MYO9B: variants seen among roughly 807,000 people sequenced by gnomAD.
The protein encoded by MYO9B is unconventional myosin-IXb.
MYO9B carries 71 observed loss-of-function variants against 229.5 expected under a neutral mutation model. The observed-to-expected ratio is 0.31, with a 90% CI of 0.26 to 0.38. The LOEUF is 0.38. Among genes scored for constraint, MYO9B ranks in the 10% least tolerant of loss-of-function variants. The pLI, the probability that MYO9B is intolerant of heterozygous loss-of-function variation, is 1.00. For missense variants in MYO9B, 2,255 were observed against 2,920.5 expected, an observed-to-expected ratio of 0.77 and a Z score of 5.25; for synonymous variants, 1,185 against 1,235.8, an observed-to-expected ratio of 0.96 and a Z score of 0.86.
intron 2 of MYO9B, among the ~76,000 whole-genome samples, chr19:17,111,458 A>G (rs982764927): frequency 9.2e-5 from 14 of 152,240 alleles, no homozygotes; most frequent in Non-Finnish European, 2.9e-5. Context: ...AAATGTATAA[A>G]TTATATCTGC....
rs1182917762 is a variant in MYO9B, at chr19:17,188,428, C to CAAA, written c.2688+403_2688+405dup. 5.5e-3 allele frequency among the ~76,000 whole-genome samples: 504 copies of CAAA among 92,092 alleles called. 3 individuals are homozygous for CAAA. Among genetic ancestry groups the CAAA allele is most frequent in the African/African-American group, 0.017 (417 of 24,066 alleles). The allele number at this position is 92,092 out of a possible 152,430, so 60.4% of individuals were successfully genotyped here. ...TGGGCAACAGAGCAAGACTCCATCT[C>CAAA]AAAAAAAAAAAAAAAAAAAAAAGAA... On this transcript the variant is annotated intron_variant, in intron 19 of 39. Transcript: ENST00000682292.
chr19:17,154,463 C>A, intron 6 of MYO9B, 48 bp downstream of exon 6: 1 of 1,419,714 alleles, frequency 7.0e-7, no homozygotes, highest in South Asian at 1.2e-5. Context: ...CTACAGGGGG[C>A]ACGCATGGCC....
rs2305766 is a variant in MYO9B at position 17,200,633 on chromosome 19, C to A, written c.4373-6C>A. The A allele has an allele frequency of 2.1e-5, 33 of 1,607,746 alleles. No individual in the cohort carries two copies. In the East Asian group the frequency reaches 2.2e-4, roughly 11 times the overall value. ...CCCTCACCGGCTGCTTCCTGTCCCC[C>A]CTCAGCCCCCTCCGGACAGCAGCAT... On this transcript the variant is annotated splice_region_variant and splice_polypyrimidine_tract_variant and intron_variant, in intron 25 of 39. Transcript: ENST00000682292.
intron 1 of MYO9B, among the ~76,000 whole-genome samples, chr19:17,078,879 G>A (rs2057510141): frequency 6.6e-6 from 1 of 152,230 alleles, no homozygotes; most frequent in South Asian, 2.1e-4. Flanking sequence ...GGCAGGTGAT[G>A]ACTTCAGAGA....
chr19:17,108,574 C>T (rs1234978311), intron 2 of MYO9B, among the ~76,000 whole-genome samples: 1 of 150,830 alleles, frequency 6.6e-6, no homozygotes, highest in African/African-American at 2.4e-5. Flanking sequence ...TCCCGTTGTC[C>T]CCTGGGGACA....
chr19:17,087,328 A>G (rs923377418), intron 1 of MYO9B, among the ~76,000 whole-genome samples: 1 of 152,198 alleles, frequency 6.6e-6, no homozygotes, highest in Non-Finnish European at 1.5e-5. Flanking sequence ...CAGTCAGGCC[A>G]GATGGAAGGT....
Position 17,212,355 on chromosome 19 carries a change from A to G in MYO9B, c.*45A>G, listed in dbSNP as rs1162046889. 3.5e-6 allele frequency: 5 copies of G among 1,422,964 alleles called. No homozygotes were observed. The highest frequency in any genetic ancestry group is 4.6e-6 in the Non-Finnish European group (5 of 1,092,422). 88.1% of individuals were successfully genotyped at this position (1,422,964 alleles called of 1,614,324 possible). A position where few individuals can be genotyped will look rare whatever the true frequency, so the allele number is the denominator to read the frequency against. Reference sequence around the variant, plus strand: ...CTGCATGTCCGAGGACGGCCCCTGCACTGGAGCTGGGCGCCAGAGCTGCAG... The same window carrying G: ...CTGCATGTCCGAGGACGGCCCCTGCGCTGGAGCTGGGCGCCAGAGCTGCAG... On this transcript the variant is annotated 3_prime_UTR_variant, in exon 40 of 40. Transcript: ENST00000682292. This position sits in a 1 kb window ranked among gnomAD's most constrained non-coding sequence, Gnocchi z 5.4.
intron 38 of MYO9B, 80 bp downstream of exon 38, chr19:17,210,928 T>G (rs2073220567): frequency 1.3e-6 from 2 of 1,522,544 alleles, no homozygotes; most frequent in East Asian, 2.5e-5. Context: ...GTGGTCCGCT[T>G]GACCTCGCCA....
At chr19:17,185,448 A>G (rs2072907744) in intron 17 of MYO9B, among the ~76,000 whole-genome samples, 1 of 150,502 alleles carries the variant, frequency 6.6e-6, no homozygotes, top group African/African-American at 2.4e-5. Flanking sequence ...TGGGAGGCTG[A>G]GGCAGGAGAA....
chr19:17,104,393 A>T (rs898830021), intron 2 of MYO9B, among the ~76,000 whole-genome samples: 1 of 152,116 alleles, frequency 6.6e-6, no homozygotes, highest in African/African-American at 2.4e-5. Context: ...GGAGCCCTCG[A>T]TGTGCCACTG....
chr19:17,127,013 A>ATTT (rs71180364), intron 2 of MYO9B, among the ~76,000 whole-genome samples: 2 of 92,846 alleles, frequency 2.2e-5, no homozygotes, highest in African/African-American at 4.5e-5. Context: ...TCCCCTAAGC[A>ATTT]TTTTTTTTTT....
chr19:17,136,952 A>G (rs2072277868), intron 2 of MYO9B, among the ~76,000 whole-genome samples: 1 of 152,158 alleles, frequency 6.6e-6, no homozygotes, highest in South Asian at 2.1e-4. Context: ...AAATTAGGCC[A>G]GGCACAGAGG....
intron 11 of MYO9B, among the ~76,000 whole-genome samples, chr19:17,169,090 G>A (rs536847249): frequency 7.2e-5 from 11 of 152,162 alleles, no homozygotes; most frequent in South Asian, 2.1e-4. Flanking sequence ...ATTCCACCTC[G>A]GCCAGGCACA....
At position 17,204,853 on chromosome 19, in the gene MYO9B, A is replaced by C. The variant is rs117136772; in HGVS notation, c.4991-410A>C. Reference sequence around the variant, plus strand: ...TGTCTCAAAAAGAAAAAGAGAAACCAAAAAGAAGGCAATCCAGGCCAGGTG... The same window carrying C: ...TGTCTCAAAAAGAAAAAGAGAAACCCAAAAGAAGGCAATCCAGGCCAGGTG... On this transcript the variant is annotated intron_variant, in intron 30 of 39. Transcript: ENST00000682292. Among the ~76,000 whole-genome samples, 581 of 152,128 alleles carry C rather than the reference A, an allele frequency of 3.8e-3. 6 individuals are homozygous for C. Among genetic ancestry groups the C allele is most frequent in the Admixed American group, 0.021 (327 of 15,270 alleles).
intron 2 of MYO9B, among the ~76,000 whole-genome samples, chr19:17,115,971 C>T (rs543372683): frequency 7.2e-5 from 11 of 152,268 alleles, no homozygotes; most frequent in African/African-American, 2.6e-4. Flanking sequence ...GAAAGGAGGA[C>T]ACAGATAGAG....
intron 1 of MYO9B, among the ~76,000 whole-genome samples, chr19:17,086,823 C>T (rs764220423): frequency 4.0e-5 from 6 of 151,384 alleles, no homozygotes; most frequent in South Asian, 2.1e-4. Flanking sequence ...GAGGTAACAG[C>T]GAGCTGAGAT....
At chr19:17,132,290 A>G (rs1178229418) in intron 2 of MYO9B, among the ~76,000 whole-genome samples, 2 of 143,500 alleles carry the variant, frequency 1.4e-5, no homozygotes, top group East Asian at 2.0e-4. Flanking sequence ...GGTTCAAGCA[A>G]TTCTCTTGCC....
intron 13 of MYO9B, 114 bp downstream of exon 13, chr19:17,173,077 A>G: frequency 8.0e-7 from 1 of 1,248,280 alleles, no homozygotes; most frequent in Non-Finnish European, 1.1e-6. Flanking sequence ...TATGTTGTGC[A>G]AACGCCACCT....
At chr19:17,119,081 C>T (rs890597679) in intron 2 of MYO9B, among the ~76,000 whole-genome samples, 1 of 152,198 alleles carries the variant, frequency 6.6e-6, no homozygotes, top group African/African-American at 2.4e-5. Flanking sequence ...GGTTTGAGTG[C>T]AGGCTTGGCT....
Sources: gnomAD v4.1 joint callset for allele counts (sites outside exome capture counted in the v4.1 genomes callset) on GRCh38, gnomAD v4.1.1 for gene constraint, Gnocchi (gnomAD v3.1) non-coding constraint, MANE v1.5 for transcripts, NCBI Gene and HGNC (gene_info 2026-07-23, HGNC 2026-07-21) for gene names.